MPHOSPH8: variants seen among roughly 807,000 people sequenced by gnomAD.
The protein encoded by MPHOSPH8 is M-phase phosphoprotein, mpp.
In MPHOSPH8, 45 loss-of-function variants were observed where a neutral mutation model predicts 87.3. That is an observed-to-expected ratio of 0.52 (90% CI 0.41 to 0.66). The LOEUF is 0.66. Among genes scored for constraint, MPHOSPH8 ranks in the 30% least tolerant of loss-of-function variants. The pLI, the probability that MPHOSPH8 is intolerant of heterozygous loss-of-function variation, is 0.00. For missense variants in MPHOSPH8, 883 were observed against 1,020.2 expected, an observed-to-expected ratio of 0.87 and a Z score of 1.83; for synonymous variants, 366 against 376.9, an observed-to-expected ratio of 0.97 and a Z score of 0.33.
At chr13:19,667,931 CGCCTGTTGAACTCAGT>C (rs1473328169) in intron 10 of MPHOSPH8, among the ~76,000 whole-genome samples, 4 of 152,118 alleles carry the variant, frequency 2.6e-5, no homozygotes, top group Non-Finnish European at 5.9e-5. Context: ...TCTGGGACCG[CGCCTGTTGAACTCAGT>C]GCTGCTGATG....
intron 9 of MPHOSPH8, among the ~76,000 whole-genome samples, chr13:19,663,992 G>A (rs1165853875): frequency 6.6e-6 from 1 of 152,202 alleles, no homozygotes. Flanking sequence ...TCCTCCTGCT[G>A]CATGAGGCCC....
At chr13:19,658,341 G>C (rs776694841) in intron 5 of MPHOSPH8, among the ~76,000 whole-genome samples, 1 of 152,064 alleles carries the variant, frequency 6.6e-6, no homozygotes, top group Non-Finnish European at 1.5e-5. Context: ...CAAAACCATT[G>C]TGAATTACTC....
intron 8 of MPHOSPH8, among the ~76,000 whole-genome samples, chr13:19,662,322 C>G (rs1040663662): frequency 5.9e-5 from 9 of 151,944 alleles, no homozygotes; most frequent in Non-Finnish European, 5.9e-5. Context: ...GCAGGTGGCA[C>G]CATCATAACT....
rs1875816605 is a variant in MPHOSPH8, at chr13:19,666,410, T to C, written c.2020-15T>C. 6.3e-7 allele frequency: 1 copy of C among 1,592,254 alleles called. No individual in the cohort carries two copies. The highest frequency in any genetic ancestry group is 8.6e-7 in the Non-Finnish European group (1 of 1,162,412). The stretch of plus-strand genomic sequence containing the variant: ...TTACAGCTAAGTAATTGTTACTCCT[T>C]TTTACCTGACGTAGGCCTGTAAAAG... On this transcript the variant is annotated splice_polypyrimidine_tract_variant and intron_variant, in intron 9 of 13. Coordinates refer to ENST00000361479, the MANE Select transcript of MPHOSPH8 (RefSeq NM_017520.4).
In MPHOSPH8 at chr13:19,650,260, G is replaced by A; in HGVS notation, c.1576G>A (p.Asp526Asn). The A allele has an allele frequency of 6.2e-7, 1 of 1,611,006 alleles. No individual in the cohort carries two copies. Among genetic ancestry groups the A allele is most frequent in the South Asian group, 1.1e-5 (1 of 90,876 alleles). ...DSVCQADENS[D>N]GRQQILSLGM... ...CGTGTGCCAAGCAGATGAGAATTCA[G>A]GTGAGTTTGGAATCATTTTGCAGAA... The change falls in exon 5 of 14, where the codon GAT (aspartate) becomes AAT (asparagine). Residue 526 changes from aspartate to asparagine, a missense_variant and splice_region_variant. Physicochemically the swap from Asp to Asn is conservative, Grantham distance 23. Coordinates refer to ENST00000361479, the MANE Select transcript of MPHOSPH8 (RefSeq NM_017520.4).
At chr13:19,651,331 A>G (rs1439560105) in intron 5 of MPHOSPH8, among the ~76,000 whole-genome samples, 1 of 152,082 alleles carries the variant, frequency 6.6e-6, no homozygotes, top group Non-Finnish European at 1.5e-5. Flanking sequence ...GTTGGAGACC[A>G]GCCTGGGCGA....
Position 19,666,498 on chromosome 13 carries a change from A to G in MPHOSPH8, c.2093A>G (p.Lys698Arg). 1.2e-6 allele frequency: 2 copies of G among 1,612,100 alleles called. No individual in the cohort carries two copies. Among genetic ancestry groups the G allele is most frequent in the Non-Finnish European group, 1.7e-6 (2 of 1,178,240 alleles). Residue 698 changes from lysine (K) to arginine (R), a missense_variant, in exon 10 of 14, where the codon AAG becomes AGG. Transcript: ENST00000361479. ...GGAGCTGACTGCAATATTTTGTCAA[A>G]GCACCAGAATAGTGCCCTGCACTTT... is the stretch of plus-strand genomic sequence containing the variant. ...ECGADCNILS[K>R]HQNSALHFAK...
In MPHOSPH8 at chr13:19,642,383, T is replaced by G. The variant is rs548595148; in HGVS notation, c.369+113T>G. 101 of 929,512 alleles carry G rather than the reference T, an allele frequency of 1.1e-4. 1 individual carries two copies. The South Asian group carries it at 2.4e-3, about 22-fold the overall frequency. 57.6% of individuals were successfully genotyped at this position (929,512 alleles called of 1,614,324 possible). A position where few individuals can be genotyped will look rare whatever the true frequency, so the allele number is the denominator to read the frequency against. ...AAATAACAAAGTGTACCGTATTCTT[T>G]AGTGTAAATTCCATGTAGCCAATTC... On this transcript the variant is annotated intron_variant, in intron 2 of 13. Transcript: ENST00000361479.
intron 11 of MPHOSPH8, among the ~76,000 whole-genome samples, chr13:19,668,931 C>CT (rs1875968760): frequency 6.6e-6 from 1 of 152,172 alleles, no homozygotes; most frequent in East Asian, 1.9e-4. Flanking sequence ...ACTTTCCTCT[C>CT]TAGCCTCTGC....
At chr13:19,660,137 T>C (rs968279623) in intron 7 of MPHOSPH8, among the ~76,000 whole-genome samples, 4 of 111,320 alleles carry the variant, frequency 3.6e-5, no homozygotes, top group Admixed American at 2.8e-4. Flanking sequence ...ATTTTTTGTA[T>C]TTTTTTTTTT....
Position 19,642,271 on chromosome 13 carries a change from G to A in MPHOSPH8, c.369+1G>A. The A allele has an allele frequency of 6.3e-7, 1 of 1,580,352 alleles. No homozygotes were observed. The highest frequency in any genetic ancestry group is 8.6e-7 in the Non-Finnish European group (1 of 1,169,284). On this transcript the variant is annotated splice_donor_variant, in intron 2 of 13. Transcript: ENST00000361479. LOFTEE classifies it high-confidence loss of function. ...CAAAGCAGTCAGGAAGGATATTCAGGTACTATGTTTTGTCTCATATTTGTT... is the reference window on the plus strand; with the variant it reads ...CAAAGCAGTCAGGAAGGATATTCAGATACTATGTTTTGTCTCATATTTGTT...
intron 2 of MPHOSPH8, among the ~76,000 whole-genome samples, chr13:19,643,434 A>C (rs1874400876): frequency 6.6e-6 from 1 of 151,824 alleles, no homozygotes; most frequent in Admixed American, 6.6e-5. Context: ...TTTTCCAGAG[A>C]CAGGGTCTCT....
chr13:19,665,869 A>G (rs1875786764), intron 9 of MPHOSPH8, among the ~76,000 whole-genome samples: 1 of 152,232 alleles, frequency 6.6e-6, no homozygotes, highest in Non-Finnish European at 1.5e-5. Flanking sequence ...CCACAGCTCC[A>G]TCGTACATTT....
At chr13:19,671,540 TCTAGG>T (rs2137549007) in intron 13 of MPHOSPH8, among the ~76,000 whole-genome samples, 1 of 152,320 alleles carries the variant, frequency 6.6e-6, no homozygotes, top group East Asian at 1.9e-4. Flanking sequence ...TGAATCATGA[TCTAGG>T]CCTTGGTATG....
chr13:19,670,439 CTG>C (rs1876061861), intron 12 of MPHOSPH8, 76 bp downstream of exon 12: 2 of 1,486,796 alleles, frequency 1.3e-6, no homozygotes, highest in East Asian at 2.3e-5. Flanking sequence ...TTTTAAATTC[CTG>C]TGTCTTAATA....
chr13:19,646,895 T>C lies in MPHOSPH8; in HGVS notation c.822T>C (p.Phe274=), dbSNP rs1369339651. The change falls in exon 3 of 14, where the codon TTT becomes TTC. Residue 274 remains phenylalanine, a synonymous_variant. Coordinates refer to ENST00000361479, the MANE Select transcript of MPHOSPH8 (RefSeq NM_017520.4). Reference sequence around the variant, plus strand: ...CAAGTGTACTTAATGATTCTCCCTTTCCAGAGGATGACAGTGAAGGGCTAC... The same window carrying C: ...CAAGTGTACTTAATGATTCTCCCTTCCCAGAGGATGACAGTGAAGGGCTAC... ...SESSVLNDSP[F]PEDDSEGLHS... The C allele has an allele frequency of 6.2e-7, 1 of 1,603,460 alleles. No individual in the cohort carries two copies. The highest frequency in any genetic ancestry group is 8.5e-7 in the Non-Finnish European group (1 of 1,177,670).
intron 2 of MPHOSPH8, among the ~76,000 whole-genome samples, chr13:19,644,571 C>T (rs546502439): frequency 2.6e-5 from 4 of 152,288 alleles, no homozygotes; most frequent in South Asian, 2.1e-4. Context: ...GCTTTAGTAC[C>T]GGACGTCTCA....
At chr13:19,643,046 C>T (rs112225452) in intron 2 of MPHOSPH8, among the ~76,000 whole-genome samples, 46 of 152,254 alleles carry the variant, frequency 3.0e-4, no homozygotes, top group African/African-American at 8.4e-4. Flanking sequence ...AGTGATGTTA[C>T]GTGACACTAA....
At position 19,646,676 on chromosome 13, in the gene MPHOSPH8, A is replaced by C. The variant is rs1182168394; in HGVS notation, c.603A>C (p.Lys201Asn). The change falls in exon 3 of 14, where the codon AAA becomes AAC. Residue 201 changes from lysine to asparagine, a missense_variant. By Grantham distance (94) the Lys-to-Asn change is moderately conservative. Around this residue, in one of 3 missense-constraint regions of MPHOSPH8, gnomAD observed 741 missense variants for 841.5 expected, o/e 0.88. Transcript: ENST00000361479. Reference sequence around the variant, plus strand: ...TAGTTTTTGATTTAAGGACAAAGAAAAGAATTTCTGAAGCCAAAGAAGAAC... The same window carrying C: ...TAGTTTTTGATTTAAGGACAAAGAACAGAATTTCTGAAGCCAAAGAAGAAC... ...ESLVFDLRTK[K>N]RISEAKEELK... is the part of the protein sequence containing the mutation. The C allele has an allele frequency of 1.3e-6, 2 of 1,595,484 alleles. No individual in the cohort carries two copies. The highest frequency in any genetic ancestry group is 1.7e-6 in the Non-Finnish European group (2 of 1,175,872).
Sources: allele counts gnomAD v4.1 joint callset (sites outside exome capture counted in the v4.1 genomes callset), GRCh38; gene constraint gnomAD v4.1.1; regional missense constraint gnomAD v4.1.1; transcripts MANE v1.5; gene names NCBI Gene and HGNC (gene_info 2026-07-23, HGNC 2026-07-21).